The following SEC23B variants were observed in gnomAD, a reference collection of about 807,000 sequenced individuals.
The protein encoded by SEC23B is protein transport protein Sec23B.
In SEC23B, 77 loss-of-function variants were observed where a neutral mutation model predicts 104.3. The ratio of observed to expected loss-of-function variants is 0.74; its 90% confidence interval spans 0.61 to 0.89. The LOEUF is 0.89. Among genes scored for constraint, SEC23B ranks in the 40% least tolerant of loss-of-function variants. The pLI, the probability that SEC23B is intolerant of heterozygous loss-of-function variation, is 0.00. For synonymous variants in SEC23B, 338 were observed against 332.5 expected (o/e 1.02, Z -0.18); for missense variants, 885 against 949.4 (o/e 0.93, Z 0.89).
In SEC23B at chr20:18,515,639, C is replaced by T. The variant is rs370605911; in HGVS notation, c.280-11C>T. 2.0e-5 allele frequency: 31 copies of T among 1,562,486 alleles called. No homozygotes were observed. Among genetic ancestry groups the T allele is most frequent in the Non-Finnish European group, 1.9e-5 (22 of 1,132,986 alleles). ...ATGCCAACCCTAATAAAACTGTTTC[C>T]TTCTTTTCAGTTTCCTCCAGCTTAT... On this transcript the variant is annotated splice_polypyrimidine_tract_variant and intron_variant, in intron 3 of 19. Transcript: ENST00000650089.
intron 1 of SEC23B, among the ~76,000 whole-genome samples, chr20:18,510,120 G>A (rs1050974534): frequency 1.3e-5 from 2 of 152,318 alleles, no homozygotes; most frequent in African/African-American, 4.8e-5. Flanking sequence ...CACTTGGAAT[G>A]TAAAATTTAA....
At chr20:18,546,063 C>G (rs1289067452) in intron 15 of SEC23B, 30 bp downstream of exon 15, 1 of 1,163,618 alleles carries the variant, frequency 8.6e-7, no homozygotes, top group Admixed American at 1.7e-5. Flanking sequence ...AAAATAACTA[C>G]AGAGCAATAA....
chr20:18,557,384 C>G (rs1397297458), intron 19 of SEC23B, among the ~76,000 whole-genome samples: 1 of 152,138 alleles, frequency 6.6e-6, no homozygotes, highest in Non-Finnish European at 1.5e-5. Context: ...AAGCGATCCT[C>G]CCACCTCAGC....
At chr20:18,510,629 G>C (rs1003935372) in intron 1 of SEC23B, among the ~76,000 whole-genome samples, 193 bp from the exon 2 acceptor site, 1 of 152,172 alleles carries the variant, frequency 6.6e-6, no homozygotes, top group Non-Finnish European at 1.5e-5. Context: ...AGCCGGGCTT[G>C]GTGGCACAGG....
At chr20:18,537,602 G>A (rs1409284384) in intron 12 of SEC23B, among the ~76,000 whole-genome samples, 1 of 152,042 alleles carries the variant, frequency 6.6e-6, no homozygotes, top group African/African-American at 2.4e-5. Flanking sequence ...GGGGGAAGGG[G>A]GGAGGAATAA....
chr20:18,546,861 C>T (rs549611482), intron 15 of SEC23B, among the ~76,000 whole-genome samples: 1 of 150,872 alleles, frequency 6.6e-6, no homozygotes, highest in Admixed American at 6.6e-5. Flanking sequence ...TTTGGTTTCC[C>T]ACCTCTAGCA....
chr20:18,522,790 G>A (rs889192159), intron 4 of SEC23B, among the ~76,000 whole-genome samples: 1 of 152,148 alleles, frequency 6.6e-6, no homozygotes, highest in East Asian at 1.9e-4. Flanking sequence ...GGGCGTGGTG[G>A]CTCACACACG....
Position 18,551,075 on chromosome 20 carries a change from C to T in SEC23B, c.1906-14C>T. ...GGGAAGACCAATGCCATCTTTCTCTCTCTTTTTCTTCAGCCAGTACTCTTG... is the reference window on the plus strand; with the variant it reads ...GGGAAGACCAATGCCATCTTTCTCTTTCTTTTTCTTCAGCCAGTACTCTTG... On this transcript the variant is annotated splice_polypyrimidine_tract_variant and intron_variant, in intron 16 of 19. Coordinates refer to ENST00000650089, the MANE Select transcript of SEC23B (RefSeq NM_006363.6). 1 of 1,575,088 alleles carries T rather than the reference C, an allele frequency of 6.3e-7. No individual in the cohort carries two copies. The highest frequency in any genetic ancestry group is 8.7e-7 in the Non-Finnish European group (1 of 1,151,778).
Position 18,512,227 on chromosome 20 carries a change from A to C in SEC23B, c.224A>C (p.Gln75Pro). 6.3e-7 allele frequency: 1 copy of C among 1,579,800 alleles called. No individual in the cohort carries two copies. The highest frequency in any genetic ancestry group is 8.7e-7 in the Non-Finnish European group (1 of 1,152,428). ...TCKAVLNPLC[Q>P]VDYRAKLWAC... ...TATAATATTTATCTTTCTCACAGTCAGGTTGATTATCGAGCAAAACTTTGG... is the reference window on the plus strand; with the variant it reads ...TATAATATTTATCTTTCTCACAGTCCGGTTGATTATCGAGCAAAACTTTGG... The change falls in exon 3 of 20, where the codon CAG (glutamine) becomes CCG (proline). Residue 75 changes from glutamine to proline, a missense_variant and splice_region_variant. Coordinates refer to ENST00000650089, the MANE Select transcript of SEC23B (RefSeq NM_006363.6).
intron 16 of SEC23B, among the ~76,000 whole-genome samples, chr20:18,549,269 C>T (rs11696847): frequency 6.6e-6 from 1 of 152,150 alleles, no homozygotes; most frequent in African/African-American, 2.4e-5. Flanking sequence ...ACTCAAGTTA[C>T]TAATATAAAA....
intron 11 of SEC23B, among the ~76,000 whole-genome samples, chr20:18,533,274 G>A (rs1316169246): frequency 6.6e-6 from 1 of 152,192 alleles, no homozygotes; most frequent in Non-Finnish European, 1.5e-5. Context: ...TATCATTTGA[G>A]ATGAGCGGCT....
chr20:18,555,210 C>G (rs771362130), intron 19 of SEC23B, 37 bp downstream of exon 19: 1 of 1,545,998 alleles, frequency 6.5e-7, no homozygotes, highest in Admixed American at 1.7e-5. Context: ...GGATGCTAAG[C>G]TAGTTTTTTT....
chr20:18,533,878 C>T (rs1165711310), intron 11 of SEC23B, among the ~76,000 whole-genome samples: 1 of 152,212 alleles, frequency 6.6e-6, no homozygotes, highest in African/African-American at 2.4e-5. Flanking sequence ...GACTTAAAAT[C>T]TGCCTGCTGA....
chr20:18,534,999 AG>A (rs1396391413), intron 11 of SEC23B, among the ~76,000 whole-genome samples: 1 of 152,108 alleles, frequency 6.6e-6, no homozygotes, highest in Non-Finnish European at 1.5e-5. Flanking sequence ...ACTACAAGGA[AG>A]GTGAACCCCC....
rs575042070 is a variant in SEC23B at position 18,513,287 on chromosome 20, G to A, written c.279+1005G>A. ...CGCTTGAACCCGGGAGGTGGAGGTTGCAGTGAGCTGAGATTGCGCCACTGC... is the reference window on the plus strand; with the variant it reads ...CGCTTGAACCCGGGAGGTGGAGGTTACAGTGAGCTGAGATTGCGCCACTGC... On this transcript the variant is annotated intron_variant, in intron 3 of 19. Coordinates refer to ENST00000650089, the MANE Select transcript of SEC23B (RefSeq NM_006363.6). Among the ~76,000 whole-genome samples the A allele has an allele frequency of 6.6e-5, 10 of 152,054 alleles. No homozygotes were observed. The South Asian group carries it at 2.1e-3, about 32-fold the overall frequency.
In SEC23B at chr20:18,525,781, CTT is replaced by C. The variant is rs1489771357; in HGVS notation, c.690-6_690-5del. 4.3e-6 allele frequency: 7 copies of C among 1,614,174 alleles called. No individual in the cohort carries two copies. Among genetic ancestry groups the C allele is most frequent in the Non-Finnish European group, 1.7e-6 (2 of 1,180,014 alleles). ...TCTGGGTTGATGTGTCTGTTAAAAT[CTT>C]GCAGATTTCTGCAGCCTGTTCACAA... On this transcript the variant is annotated splice_region_variant and splice_polypyrimidine_tract_variant and intron_variant, in intron 6 of 19. Transcript: ENST00000650089.
At chr20:18,521,552 G>T (rs1270098332) in intron 4 of SEC23B, among the ~76,000 whole-genome samples, 1 of 152,184 alleles carries the variant, frequency 6.6e-6, no homozygotes, top group Non-Finnish European at 1.5e-5. Context: ...AGAGGAAATT[G>T]TTGGGCAAGT....
In SEC23B at chr20:18,532,706, G is replaced by A. The variant is rs41309927; in HGVS notation, c.1276G>A (p.Val426Ile). 0.049 allele frequency: 78,470 copies of A among 1,613,190 alleles called. 2,222 individuals carry two copies. Among genetic ancestry groups the A allele is most frequent in the Middle Eastern group, 0.066 (401 of 6,060 alleles). The stretch of plus-strand genomic sequence containing the variant: ...GATTGCAGGAGCCATTGGTCCATGC[G>A]TATCTCTGAATGTGAAAGGACCGTG... ...LKIAGAIGPC[V>I]SLNVKGPCVS... Residue 426 changes from valine to isoleucine, a missense_variant, in exon 11 of 20, where the codon GTA (valine) becomes ATA (isoleucine). Physicochemically the swap from Val to Ile is conservative, Grantham distance 29. Transcript: ENST00000650089.
At chr20:18,537,501 C>G in intron 12 of SEC23B, among the ~76,000 whole-genome samples, 1 of 151,952 alleles carries the variant, frequency 6.6e-6, no homozygotes, top group Non-Finnish European at 1.5e-5. Context: ...CAAAAAAACA[C>G]CGCATGTTCT....
Sources: allele counts gnomAD v4.1 joint callset (sites outside exome capture counted in the v4.1 genomes callset), GRCh38; gene constraint gnomAD v4.1.1; transcripts MANE v1.5; gene names NCBI Gene and HGNC (gene_info 2026-07-23, HGNC 2026-07-21).